MICAL3: variants seen among roughly 807,000 people sequenced by gnomAD.
The protein encoded by MICAL3 is microtubule associated monooxygenase, calponin and LIM domain containing 3, also known as [F-actin]-monooxygenase MICAL3.
A neutral mutation model predicts 207.4 loss-of-function variants in MICAL3; 62 were observed. That is an observed-to-expected ratio of 0.30 (90% CI 0.24 to 0.37). The LOEUF is 0.37. Among genes scored for constraint, MICAL3 ranks in the 10% least tolerant of loss-of-function variants. The pLI, the probability that MICAL3 is intolerant of heterozygous loss-of-function variation, is 1.00. For missense variants in MICAL3, 2,368 were observed against 2,635.6 expected (o/e 0.90, Z 2.22); for synonymous variants, 1,077 against 1,069.3 (o/e 1.01, Z -0.14).
intron 11 of MICAL3, among the ~76,000 whole-genome samples, chr22:17,893,403 T>C (rs186281832): frequency 7.2e-5 from 11 of 152,304 alleles, no homozygotes; most frequent in Non-Finnish European, 1.3e-4. Context: ...CCTGGCTATG[T>C]TGCAGGACCC....
At chr22:17,910,671 T>G (rs751692781) in intron 1 of MICAL3, among the ~76,000 whole-genome samples, 1 of 152,208 alleles carries the variant, frequency 6.6e-6, no homozygotes, top group Non-Finnish European at 1.5e-5. Flanking sequence ...GAATGATGAC[T>G]GCAGCGCAAA....
chr22:17,839,485 G>A (rs984645498), intron 20 of MICAL3: 4 of 151,312 alleles, frequency 2.6e-5, no homozygotes, highest in African/African-American at 9.7e-5. Context: ...TTGAACTCCT[G>A]ACTTCAAGTG....
intron 20 of MICAL3, among the ~76,000 whole-genome samples, chr22:17,835,468 C>T (rs551666308): frequency 6.6e-6 from 1 of 152,232 alleles, no homozygotes; most frequent in Non-Finnish European, 1.5e-5. Context: ...TGGCCCAGGT[C>T]CTGTGCGTCA....
At chr22:17,840,496 C>T (rs1235443702) in intron 20 of MICAL3, 1 of 152,204 alleles carries the variant, frequency 6.6e-6, no homozygotes, top group East Asian at 1.9e-4. Context: ...GTGCTGCCCT[C>T]CTGTCATACC....
intron 1 of MICAL3, among the ~76,000 whole-genome samples, chr22:17,976,288 A>G (rs1935627463): frequency 6.6e-6 from 1 of 152,108 alleles, no homozygotes; most frequent in Non-Finnish European, 1.5e-5. Context: ...GTCTTATACT[A>G]GAGTAAATAA....
intron 29 of MICAL3, 169 bp from the exon 30 acceptor site, chr22:17,791,470 T>G: frequency 1.6e-6 from 1 of 631,290 alleles, no homozygotes; most frequent in Non-Finnish European, 2.8e-6. Flanking sequence ...GGCGTCCCCC[T>G]TCCTGGGGCC....
At chr22:17,866,262 C>T (rs924120889) in intron 17 of MICAL3, among the ~76,000 whole-genome samples, 2 of 152,242 alleles carry the variant, frequency 1.3e-5, no homozygotes, top group African/African-American at 4.8e-5. Context: ...ATTGAGCCAT[C>T]ACCCAATCAG....
At chr22:17,865,796 T>G (rs1927043764) in intron 18 of MICAL3, 128 bp downstream of exon 18, 1 of 733,758 alleles carries the variant, frequency 1.4e-6, no homozygotes, top group East Asian at 2.6e-5. Context: ...CCACTGCATT[T>G]CGGGCCCTCC....
chr22:17,968,028 T>C (rs35598889), intron 1 of MICAL3, among the ~76,000 whole-genome samples: 34,055 of 149,770 alleles, frequency 0.23, 4,038 homozygotes, highest in Middle Eastern at 0.28. Flanking sequence ...GATGACAGAG[T>C]GAGACTCCGT....
chr22:17,824,133 A>G (rs989933676), intron 22 of MICAL3, among the ~76,000 whole-genome samples: 1 of 152,162 alleles, frequency 6.6e-6, no homozygotes, highest in Non-Finnish European at 1.5e-5. Flanking sequence ...CAGCAGGAAG[A>G]GGGCGGCACG....
At chr22:17,803,047 A>C (rs570236681) in intron 29 of MICAL3, among the ~76,000 whole-genome samples, 1 of 152,222 alleles carries the variant, frequency 6.6e-6, no homozygotes, top group South Asian at 2.1e-4. Context: ...ACCCACTGGA[A>C]GGTCTGTTAC....
At chr22:17,968,491 T>C (rs1935253880) in intron 1 of MICAL3, among the ~76,000 whole-genome samples, 1 of 152,160 alleles carries the variant, frequency 6.6e-6, no homozygotes, top group Admixed American at 6.5e-5. Flanking sequence ...TCGGGCAAGC[T>C]TCCTCAGGCT....
chr22:18,012,506 A>G (rs1923810155), intron 1 of MICAL3, among the ~76,000 whole-genome samples: 1 of 152,134 alleles, frequency 6.6e-6, no homozygotes. Context: ...AAGTTCCATC[A>G]TCTAATTGGG....
At position 17,821,447 on chromosome 22, in the gene MICAL3, C is replaced by T. The variant is rs1196394807; in HGVS notation, c.3511G>A (p.Val1171Ile). ...CTTACCTCTGTTGAGGGGCTGTGGACTGGAATGAACAGAAGAGCTGATTCC... is the reference window on the plus strand; with the variant it reads ...CTTACCTCTGTTGAGGGGCTGTGGATTGGAATGAACAGAAGAGCTGATTCC... ...PQESALLFIP[V>I]HSPSTEGPQL... The change falls in exon 25 of 32, where the codon GTC becomes ATC. Residue 1171 changes from valine (V) to isoleucine (I), a missense_variant. By Grantham distance (29) the Val-to-Ile change is conservative (BLOSUM62 3). Around this residue, in one of 4 missense-constraint regions of MICAL3, gnomAD observed 1,770 missense variants for 1,863.2 expected, o/e 0.95. Transcript: ENST00000441493. 3 of 1,544,520 alleles carry T rather than the reference C, an allele frequency of 1.9e-6. No individual in the cohort carries two copies. The highest frequency in any genetic ancestry group is 2.6e-6 in the Non-Finnish European group (3 of 1,144,916).
intron 16 of MICAL3, among the ~76,000 whole-genome samples, chr22:17,881,005 C>CTAGG (rs1245564001): frequency 1.3e-5 from 2 of 152,158 alleles, no homozygotes; most frequent in Non-Finnish European, 2.9e-5. Context: ...GTGGGACTGA[C>CTAGG]TAGGGTCAGG....
chr22:17,938,602 GGAC>G (rs1489058420), intron 1 of MICAL3, among the ~76,000 whole-genome samples: 1 of 152,162 alleles, frequency 6.6e-6, no homozygotes, highest in Non-Finnish European at 1.5e-5. Context: ...GCACAATTCT[GGAC>G]AACAGATTTG....
Position 17,818,299 on chromosome 22 carries a change from C to T in MICAL3, c.4362G>A (p.Thr1454=), listed in dbSNP as rs909676640. The T allele has an allele frequency of 2.3e-5, 35 of 1,525,974 alleles. No homozygotes were observed. Among genetic ancestry groups the T allele is most frequent in the East Asian group, 1.4e-4 (6 of 42,046 alleles). 94.5% of individuals were successfully genotyped at this position (1,525,974 alleles called of 1,614,324 possible). ...GCGGTGGGGGCGGGCTGGAGGGGGG[C>T]GTGAGCATGGCGGAGTCCGAGGTGT... is the stretch of plus-strand genomic sequence containing the variant. ...SFNTSDSAML[T]PPSSPPPPPP... is the part of the protein sequence containing the mutation. Residue 1454 remains threonine (T), a synonymous_variant, in exon 26 of 32, where the codon ACG becomes ACA. Transcript: ENST00000441493.
intron 1 of MICAL3, among the ~76,000 whole-genome samples, chr22:17,963,257 C>T (rs772099568): frequency 1.3e-5 from 2 of 152,180 alleles, no homozygotes; most frequent in South Asian, 4.2e-4. Context: ...GGACTACAGG[C>T]ATGTGTCATC....
chr22:18,000,247 G>A (rs75750097), intron 1 of MICAL3, among the ~76,000 whole-genome samples: 4,636 of 39,960 alleles, frequency 0.12, 110 homozygotes, highest in Non-Finnish European at 0.17. Flanking sequence ...AGCTTAGGGG[G>A]AAAAAAAAAA....
Sources: allele counts gnomAD v4.1 joint callset (sites outside exome capture counted in the v4.1 genomes callset), GRCh38; gene constraint gnomAD v4.1.1; regional missense constraint gnomAD v4.1.1; transcripts MANE v1.5; gene names NCBI Gene and HGNC (gene_info 2026-07-23, HGNC 2026-07-21).